The following EPB41L4B variants were observed in gnomAD, a reference collection of about 807,000 sequenced individuals.
EPB41L4B encodes the protein erythrocyte membrane protein band 4.1 like 4B.
In EPB41L4B, 30 loss-of-function variants were observed where a neutral mutation model predicts 112.5. That is an observed-to-expected ratio of 0.27 (90% CI 0.20 to 0.36). The LOEUF (loss-of-function observed/expected upper bound fraction) is 0.36, where lower values mean the gene tolerates loss of function less well. Ranked by LOEUF, EPB41L4B falls within the 10% of genes least tolerant of loss-of-function variation. The probability of loss-of-function intolerance (pLI) is 1.00; values close to 1 mark genes in which losing one functional copy is unlikely to be tolerated. For missense variants in EPB41L4B, 1,024 were observed against 1,133.3 expected, an observed-to-expected ratio of 0.90 and a Z score of 1.38; for synonymous variants, 408 against 439.7, an observed-to-expected ratio of 0.93 and a Z score of 0.90.
At chr9:109,207,382 C>T (rs1187255628) in intron 18 of EPB41L4B, among the ~76,000 whole-genome samples, 1 of 151,970 alleles carries the variant, frequency 6.6e-6, no homozygotes, top group African/African-American at 2.4e-5. Flanking sequence ...CCAGCCTGGC[C>T]AAGATAGGAA....
Position 109,255,665 on chromosome 9 carries a change from G to A in EPB41L4B, c.1015C>T (p.His339Tyr), listed in dbSNP as rs769226710. 1 of 1,612,778 alleles carries A rather than the reference G, an allele frequency of 6.2e-7. No individual in the cohort carries two copies. Residue 339 changes from histidine to tyrosine, a missense_variant, in exon 11 of 26, where the codon CAC (histidine) becomes TAC (tyrosine). Coordinates refer to ENST00000374566, the MANE Select transcript of EPB41L4B (RefSeq NM_019114.5). The part of the protein sequence containing the change: ...EDDDQGREQE[H>Y]TFVFRLDSAR... ...CTGTCTAACCGGAACACAAACGTGT[G>A]CTCTTGCTCACGTCCCTTAAAGAGG...
intron 15 of EPB41L4B, among the ~76,000 whole-genome samples, chr9:109,232,081 T>C (rs1833969602): frequency 6.6e-6 from 1 of 151,998 alleles, no homozygotes; most frequent in Non-Finnish European, 1.5e-5. Context: ...AACCTCTGCC[T>C]CCCAGGTTCA....
intron 2 of EPB41L4B, among the ~76,000 whole-genome samples, chr9:109,271,937 C>T (rs1835636646): frequency 6.6e-6 from 1 of 152,154 alleles, no homozygotes; most frequent in Non-Finnish European, 1.5e-5. Context: ...CCATCTGTTC[C>T]AATAGTACAT....
intron 20 of EPB41L4B, 24 bp downstream of exon 20, chr9:109,200,211 GA>G (rs1384981142): frequency 1.3e-6 from 2 of 1,581,968 alleles, no homozygotes; most frequent in Non-Finnish European, 1.7e-6. Context: ...TGTTTTAATT[GA>G]AAAAGTTGCA....
intron 22 of EPB41L4B, among the ~76,000 whole-genome samples, chr9:109,189,088 C>A (rs1213345702): frequency 6.6e-6 from 1 of 152,176 alleles, no homozygotes; most frequent in Non-Finnish European, 1.5e-5. Context: ...AAAGAAAATA[C>A]CAACTGGAGA....
At chr9:109,231,916 T>G (rs1833962858) in intron 15 of EPB41L4B, among the ~76,000 whole-genome samples, 1 of 147,272 alleles carries the variant, frequency 6.8e-6, no homozygotes, top group Admixed American at 6.7e-5. Context: ...ATCTTTTTCT[T>G]GCCTAAAGAA....
At position 109,207,969 on chromosome 9, in the gene EPB41L4B, G is replaced by A. The variant is rs768514596; in HGVS notation, c.1833C>T (p.Asn611=). The change falls in exon 18 of 26, where the codon AAC becomes AAT. Residue 611 remains asparagine (N), a synonymous_variant. Transcript: ENST00000374566. ...CATTTTCCAACTGGGCTTTCAGAAT[G>A]TTACACTTCACATGATCCGCAACAG... ...PSPVADHVKC[N]ILKAQLENAS... The A allele has an allele frequency of 5.6e-6, 9 of 1,614,136 alleles. No homozygotes were observed. The East Asian group carries it at 1.8e-4, about 32-fold the overall frequency.
chr9:109,210,971 T>G (rs1163218163), intron 17 of EPB41L4B, among the ~76,000 whole-genome samples: 2 of 152,214 alleles, frequency 1.3e-5, no homozygotes, highest in Admixed American at 6.5e-5. Flanking sequence ...GGGATATCAT[T>G]TGGGGATAAA....
chr9:109,267,505 T>C lies in EPB41L4B; in HGVS notation c.501A>G (p.Ser167=), dbSNP rs752738740. 1.1e-5 allele frequency: 17 copies of C among 1,613,740 alleles called. No homozygotes were observed. The South Asian group carries it at 1.1e-4, about 10-fold the overall frequency. The change falls in exon 4 of 26, where the codon TCA becomes TCG. Residue 167 remains serine (S), a synonymous_variant. Coordinates refer to ENST00000374566, the MANE Select transcript of EPB41L4B (RefSeq NM_019114.5). ...ALHFRVKYYS[S]EPNNLREEFT... ...ACTCCTCACGAAGGTTGTTTGGTTC[T>C]GAAGAATAGTATTTAACTCGAAAGT...
intron 6 of EPB41L4B, among the ~76,000 whole-genome samples, chr9:109,262,707 A>G (rs1680421054): frequency 6.6e-6 from 1 of 152,130 alleles, no homozygotes; most frequent in African/African-American, 2.4e-5. Context: ...GAGGTCATCC[A>G]CCTGTCCAAA....
chr9:109,303,470 C>T (rs971868492), intron 1 of EPB41L4B, among the ~76,000 whole-genome samples: 2 of 152,064 alleles, frequency 1.3e-5, no homozygotes, highest in African/African-American at 2.4e-5. Context: ...CTCAGCCTCC[C>T]AAGTAGCTGG....
chr9:109,222,255 CT>C (rs1344568562), intron 15 of EPB41L4B, among the ~76,000 whole-genome samples: 1 of 152,136 alleles, frequency 6.6e-6, no homozygotes. Context: ...GTCAGAGAAG[CT>C]GCCTGAAGCC....
chr9:109,213,929 C>G, intron 16 of EPB41L4B, 111 bp from the exon 17 acceptor site: 1 of 867,924 alleles, frequency 1.2e-6, no homozygotes, highest in Non-Finnish European at 1.9e-6. Context: ...CTGCCGGCCT[C>G]CTCCTCCAGC....
chr9:109,201,805 C>T (rs1242283253), intron 19 of EPB41L4B, among the ~76,000 whole-genome samples: 3 of 152,020 alleles, frequency 2.0e-5, no homozygotes, highest in Admixed American at 6.6e-5. Flanking sequence ...AAGTCGAGGC[C>T]GGGTCATATG....
chr9:109,183,809 T>C (rs1832153110), intron 23 of EPB41L4B, among the ~76,000 whole-genome samples: 2 of 152,186 alleles, frequency 1.3e-5, no homozygotes, highest in South Asian at 4.1e-4. Flanking sequence ...CTGTGGACAC[T>C]GGGATAGCTA....
chr9:109,186,047 GCCACACA>G (rs1832252207), intron 22 of EPB41L4B, among the ~76,000 whole-genome samples: 1 of 152,018 alleles, frequency 6.6e-6, no homozygotes, highest in Non-Finnish European at 1.5e-5. Context: ...GTGAGGAGTG[GCCACACA>G]CTTGAAGCAT....
rs1029240072 is a variant in EPB41L4B, at chr9:109,295,558, T to C, written c.307-15637A>G. Among the ~76,000 whole-genome samples, 7 of 152,238 alleles carry C rather than the reference T, an allele frequency of 4.6e-5. No homozygotes were observed. The East Asian group carries it at 1.4e-3, about 29-fold the overall frequency. ...TCCTTCATTTTATGGATGGAAAAAGTGAGGCAAGAGGCAGGTCACACAGCC... is the reference window on the plus strand; with the variant it reads ...TCCTTCATTTTATGGATGGAAAAAGCGAGGCAAGAGGCAGGTCACACAGCC... On this transcript the variant is annotated intron_variant, in intron 1 of 25. Transcript: ENST00000374566.
chr9:109,206,336 C>T (rs1832992627), intron 18 of EPB41L4B, among the ~76,000 whole-genome samples: 2 of 152,104 alleles, frequency 1.3e-5, no homozygotes, highest in African/African-American at 4.8e-5. Context: ...GCATGCACCA[C>T]CACACCTGGC....
At chr9:109,250,158 A>G (rs1248734740) in intron 13 of EPB41L4B, among the ~76,000 whole-genome samples, 1 of 152,144 alleles carries the variant, frequency 6.6e-6, no homozygotes, top group Admixed American at 6.5e-5. Context: ...ATCAGAGGGT[A>G]AAAGAGTTTG....
Sources: allele counts gnomAD v4.1 joint callset (sites outside exome capture counted in the v4.1 genomes callset), GRCh38; gene constraint gnomAD v4.1.1; transcripts MANE v1.5; gene names NCBI Gene and HGNC (gene_info 2026-07-23, HGNC 2026-07-21).